LRRIQ1: variants seen among roughly 807,000 people sequenced by gnomAD.
The protein encoded by LRRIQ1 is leucine rich repeats and IQ motif containing 1.
LRRIQ1 carries 210 observed loss-of-function variants against 211.9 expected under a neutral mutation model. The ratio of observed to expected loss-of-function variants is 0.99; its 90% CI spans 0.89 to 1.11. The LOEUF (loss-of-function observed/expected upper bound fraction) is 1.11. Ranked by LOEUF, LRRIQ1 falls within the 50% of genes most tolerant of loss-of-function variation. The probability of loss-of-function intolerance (pLI) is 0.00; values close to 1 mark genes in which losing one functional copy is unlikely to be tolerated. For missense variants in LRRIQ1, 2,136 were observed against 1,939.5 expected (o/e 1.10, Z -1.90); for synonymous variants, 699 against 650.1 (o/e 1.08, Z -1.14).
At chr12:85,040,687 T>C (rs1411370365) in intron 3 of LRRIQ1, 86 bp downstream of exon 3, 1 of 708,780 alleles carries the variant, frequency 1.4e-6, no homozygotes, top group East Asian at 2.6e-5. Flanking sequence ...TGCTTAAAGT[T>C]CTTATCTCTT....
At chr12:85,230,508 T>C (rs1288782648) in intron 25 of LRRIQ1, among the ~76,000 whole-genome samples, 5 of 152,192 alleles carry the variant, frequency 3.3e-5, no homozygotes, top group African/African-American at 4.8e-5. Context: ...TTATCTACCT[T>C]ATTACCTCTT....
intron 24 of LRRIQ1, among the ~76,000 whole-genome samples, chr12:85,163,163 C>T (rs971188668): frequency 2.0e-5 from 3 of 152,132 alleles, no homozygotes; most frequent in African/African-American, 7.2e-5. Context: ...GAGAGTGCCT[C>T]CTGAACCCAA....
intron 15 of LRRIQ1, among the ~76,000 whole-genome samples, chr12:85,113,919 G>A (rs1887373571): frequency 6.6e-6 from 1 of 151,094 alleles, no homozygotes; most frequent in Admixed American, 6.6e-5. Context: ...GTGTGTGTGT[G>A]TGTGTGTGTG....
intron 25 of LRRIQ1, 52 bp downstream of exon 25, chr12:85,229,701 A>G: frequency 6.4e-7 from 1 of 1,552,360 alleles, no homozygotes; most frequent in Non-Finnish European, 8.8e-7. Flanking sequence ...ACATCTTGAA[A>G]ATTGAAACCT....
chr12:85,098,201 A>G (rs1254347576), intron 11 of LRRIQ1, among the ~76,000 whole-genome samples, 154 bp from the exon 12 acceptor site: 3 of 152,120 alleles, frequency 2.0e-5, no homozygotes, highest in Non-Finnish European at 4.4e-5. Flanking sequence ...AGTTTACAAG[A>G]TATGTTTCAC....
chr12:85,063,793 G>A (rs1882123219), intron 8 of LRRIQ1, among the ~76,000 whole-genome samples: 1 of 151,658 alleles, frequency 6.6e-6, no homozygotes, highest in African/African-American at 2.4e-5. Flanking sequence ...GATATGCAAA[G>A]TTTGTCTATC....
At chr12:85,135,570 A>G (rs1889066693) in intron 18 of LRRIQ1, among the ~76,000 whole-genome samples, 1 of 151,932 alleles carries the variant, frequency 6.6e-6, no homozygotes, top group South Asian at 2.1e-4. Flanking sequence ...TAGAAAGGCA[A>G]GTTAAATGCT....
chr12:85,226,483 G>T (rs1894659122), intron 24 of LRRIQ1, among the ~76,000 whole-genome samples: 1 of 145,902 alleles, frequency 6.9e-6, no homozygotes, highest in Non-Finnish European at 1.5e-5. Flanking sequence ...TCTTCCCTTT[G>T]TTTGAGTGTG....
At position 85,043,617 on chromosome 12, in the gene LRRIQ1, G is replaced by A. The variant is rs554262719; in HGVS notation, c.245-1101G>A. ...ACTACACGGGATATGTATACCAGTAGGTGTGATTCTTTGGGAGAAACATCT... is the reference window on the plus strand; with the variant it reads ...ACTACACGGGATATGTATACCAGTAAGTGTGATTCTTTGGGAGAAACATCT... On this transcript the variant is annotated intron_variant, in intron 3 of 26. Coordinates refer to ENST00000393217, the MANE Select transcript of LRRIQ1 (RefSeq NM_001079910.2). 2.0e-5 allele frequency among the ~76,000 whole-genome samples: 3 copies of A among 152,094 alleles called. No individual in the cohort carries two copies. In the East Asian group the frequency reaches 5.8e-4, roughly 29 times the overall value.
intron 24 of LRRIQ1, among the ~76,000 whole-genome samples, chr12:85,173,817 G>A (rs915105243): frequency 3.3e-5 from 5 of 152,018 alleles, no homozygotes; most frequent in Admixed American, 2.6e-4. Flanking sequence ...GGGTTTCAAC[G>A]TATGAATTTT....
chr12:85,118,551 G>A (rs1887744706), intron 15 of LRRIQ1, among the ~76,000 whole-genome samples: 1 of 115,330 alleles, frequency 8.7e-6, no homozygotes, highest in African/African-American at 3.4e-5. Flanking sequence ...TCTATCTCTT[G>A]TAATTATTTT....
intron 23 of LRRIQ1, among the ~76,000 whole-genome samples, chr12:85,157,741 G>A (rs1035520666): frequency 6.6e-6 from 1 of 151,826 alleles, no homozygotes; most frequent in African/African-American, 2.4e-5. Context: ...TTGATGTGGA[G>A]CACTCCTCAG....
intron 8 of LRRIQ1, among the ~76,000 whole-genome samples, chr12:85,057,521 A>G (rs1863672093): frequency 1.3e-5 from 2 of 152,054 alleles, no homozygotes; most frequent in Admixed American, 1.3e-4. Flanking sequence ...TCCTAAGTAA[A>G]CAGAAGTTTG....
intron 19 of LRRIQ1, among the ~76,000 whole-genome samples, chr12:85,138,753 T>C (rs1889320274): frequency 6.6e-6 from 1 of 151,580 alleles, no homozygotes; most frequent in African/African-American, 2.4e-5. Context: ...TAAAATCTTT[T>C]ATGCTAGAAA....
At chr12:85,087,292 C>A (rs1884929498) in intron 11 of LRRIQ1, among the ~76,000 whole-genome samples, 1 of 152,132 alleles carries the variant, frequency 6.6e-6, no homozygotes, top group Non-Finnish European at 1.5e-5. Context: ...TTTATTACTG[C>A]ATAGTATTCC....
Position 85,127,905 on chromosome 12 carries a change from C to G in LRRIQ1, c.4081C>G (p.Leu1361Val). Residue 1361 changes from leucine to valine, a missense_variant, in exon 18 of 27, where the codon CTA (leucine) becomes GTA (valine). Coordinates refer to ENST00000393217, the MANE Select transcript of LRRIQ1 (RefSeq NM_001079910.2). ...MRRQTHFSTR[L>V]HTAATEGLPN... ...CAGACAGACTCATTTCTCCACAAGG[C>G]TACATACTGCTGCAACAGAAGGCCT... 1.2e-6 allele frequency: 2 copies of G among 1,613,980 alleles called. No homozygotes were observed. Among genetic ancestry groups the G allele is most frequent in the Non-Finnish European group, 1.7e-6 (2 of 1,179,994 alleles).
At chr12:85,165,399 T>G (rs1233698383) in intron 24 of LRRIQ1, among the ~76,000 whole-genome samples, 1 of 152,072 alleles carries the variant, frequency 6.6e-6, no homozygotes, top group Non-Finnish European at 1.5e-5. Flanking sequence ...GGTATTTGGT[T>G]TTCTGTTCCT....
chr12:85,248,725 C>T (rs1895807924), downstream of LRRIQ1, among the ~76,000 whole-genome samples: 2 of 151,826 alleles, frequency 1.3e-5, no homozygotes, highest in South Asian at 4.1e-4. Flanking sequence ...GTTGAGGTGA[C>T]TTAGAAAGAC....
chr12:85,271,344 G>GA, the LRRIQ1 span, among the ~76,000 whole-genome samples: 36 of 149,784 alleles, frequency 2.4e-4, no homozygotes, highest in South Asian at 1.7e-3. Flanking sequence ...TCTTTTACAT[G>GA]AAAAAAAAAA....
Sources: gnomAD v4.1 joint callset for allele counts (sites outside exome capture counted in the v4.1 genomes callset) on GRCh38, gnomAD v4.1.1 for gene constraint, MANE v1.5 for transcripts, NCBI Gene and HGNC (gene_info 2026-07-23, HGNC 2026-07-21) for gene names.